Variants in SLC4A10 observed in about 807,000 individuals in gnomAD.
SLC4A10 encodes solute carrier family 4 member 10.
A neutral mutation model predicts 137.7 loss-of-function variants in SLC4A10; 42 were observed. The observed-to-expected ratio is 0.30, with a 90% CI of 0.24 to 0.39. SLC4A10 has a LOEUF of 0.39. SLC4A10 is among the 10% of genes least tolerant of loss of function. SLC4A10 has a pLI of 1.00. For missense variants in SLC4A10, 925 were observed against 1,355.0 expected (o/e 0.68, Z 4.98); for synonymous variants, 474 against 464.1 (o/e 1.02, Z -0.27).
At chr2:161,685,008 G>T (rs2041234676) in intron 1 of SLC4A10, among the ~76,000 whole-genome samples, 1 of 152,064 alleles carries the variant, frequency 6.6e-6, no homozygotes, top group African/African-American at 2.4e-5. Flanking sequence ...TTGCAATATG[G>T]ACCCCATAGA....
chr2:161,683,238 T>C (rs1036092254), intron 1 of SLC4A10, among the ~76,000 whole-genome samples: 2 of 152,210 alleles, frequency 1.3e-5, no homozygotes, highest in Non-Finnish European at 2.9e-5. Context: ...CTATTTCTCA[T>C]ATTAGAACAT....
chr2:161,754,386 C>A (rs2049350601), intron 1 of SLC4A10, among the ~76,000 whole-genome samples: 1 of 152,036 alleles, frequency 6.6e-6, no homozygotes, highest in Non-Finnish European at 1.5e-5. Flanking sequence ...AATTAGGAAC[C>A]ATGAACAACA....
chr2:161,860,103 G>T (rs1354917482), intron 5 of SLC4A10, among the ~76,000 whole-genome samples: 1 of 152,154 alleles, frequency 6.6e-6, no homozygotes, highest in Non-Finnish European at 1.5e-5. Context: ...GTACTTAAAT[G>T]TCACCCTAGT....
chr2:161,883,152 G>A lies in SLC4A10; in HGVS notation c.1194+708G>A, dbSNP rs1435244991. 3.3e-5 allele frequency among the ~76,000 whole-genome samples: 5 copies of A among 152,162 alleles called. No individual in the cohort carries two copies. The East Asian group carries it at 9.7e-4, about 29-fold the overall frequency. On this transcript the variant is annotated intron_variant, in intron 10 of 26. Transcript: ENST00000446997. ...CACATTATGGAAATTTGTTGTTATTGTTAACGGGAAGAGCAGATGCAGTAG... is the reference window on the plus strand; with the variant it reads ...CACATTATGGAAATTTGTTGTTATTATTAACGGGAAGAGCAGATGCAGTAG...
chr2:161,909,223 A>G (rs1268295261), intron 15 of SLC4A10, among the ~76,000 whole-genome samples: 2 of 152,040 alleles, frequency 1.3e-5, no homozygotes, highest in Non-Finnish European at 2.9e-5. Context: ...CCTAAAACTT[A>G]AAGTATAATA....
intron 1 of SLC4A10, among the ~76,000 whole-genome samples, chr2:161,681,312 C>T (rs986541940): frequency 2.4e-4 from 37 of 152,250 alleles, no homozygotes; most frequent in African/African-American, 8.4e-4. Context: ...TGGCATTCAT[C>T]CAGCTAGAAT....
intron 1 of SLC4A10, among the ~76,000 whole-genome samples, chr2:161,736,387 A>G (rs1163384396): frequency 6.6e-6 from 1 of 152,164 alleles, no homozygotes; most frequent in Non-Finnish European, 1.5e-5. Flanking sequence ...CAAATGTAAG[A>G]CTTTGTATTA....
At chr2:161,965,817 G>A (rs1410093680) in intron 23 of SLC4A10, among the ~76,000 whole-genome samples, 1 of 151,996 alleles carries the variant, frequency 6.6e-6, no homozygotes, top group Non-Finnish European at 1.5e-5. Flanking sequence ...TTATATGTAA[G>A]CCTGAGTCTA....
At chr2:161,881,279 G>A (rs1243189334) in intron 9 of SLC4A10, among the ~76,000 whole-genome samples, 4 of 151,982 alleles carry the variant, frequency 2.6e-5, no homozygotes, top group African/African-American at 9.7e-5. Flanking sequence ...GATGTACATA[G>A]GTTAGGAAGT....
intron 1 of SLC4A10, among the ~76,000 whole-genome samples, chr2:161,699,490 A>G (rs2042916226): frequency 6.6e-6 from 1 of 152,344 alleles, no homozygotes; most frequent in Non-Finnish European, 1.5e-5. Context: ...TTCATTTTTA[A>G]TGATTCACAG....
At chr2:161,802,222 A>G (rs1207344265) in intron 2 of SLC4A10, among the ~76,000 whole-genome samples, 1 of 152,108 alleles carries the variant, frequency 6.6e-6, no homozygotes, top group African/African-American at 2.4e-5. Context: ...AATTATTTTT[A>G]GGATTATAAA....
intron 1 of SLC4A10, among the ~76,000 whole-genome samples, chr2:161,739,634 C>A (rs979550006): frequency 2.6e-5 from 4 of 152,164 alleles, no homozygotes; most frequent in Non-Finnish European, 5.9e-5. Flanking sequence ...CCCATACTTA[C>A]CGGCATCAAT....
intron 14 of SLC4A10, among the ~76,000 whole-genome samples, chr2:161,905,436 C>T (rs543900663): frequency 4.6e-5 from 7 of 152,212 alleles, no homozygotes; most frequent in Admixed American, 2.6e-4. Context: ...CTGCCACTCA[C>T]CTCCTGCTGT....
At chr2:161,792,697 T>C (rs139924648) in intron 2 of SLC4A10, among the ~76,000 whole-genome samples, 26 of 152,134 alleles carry the variant, frequency 1.7e-4, no homozygotes, top group Non-Finnish European at 3.4e-4. Flanking sequence ...AATTAGGACA[T>C]GTCTCAAGAA....
chr2:161,660,573 T>G (rs1239740804), intron 1 of SLC4A10, among the ~76,000 whole-genome samples: 1 of 121,406 alleles, frequency 8.2e-6, no homozygotes, highest in South Asian at 2.5e-4. Flanking sequence ...TCTTTCTTTC[T>G]TTCTTTCTTT....
At chr2:161,969,652 G>A (rs1210699365) in intron 23 of SLC4A10, among the ~76,000 whole-genome samples, 2 of 152,274 alleles carry the variant, frequency 1.3e-5, no homozygotes, top group Admixed American at 1.3e-4. Flanking sequence ...AAGTGATCAT[G>A]ATAGTGATAC....
At chr2:161,676,306 T>C (rs1187641310) in intron 1 of SLC4A10, among the ~76,000 whole-genome samples, 1 of 152,188 alleles carries the variant, frequency 6.6e-6, no homozygotes, top group Non-Finnish European at 1.5e-5. Flanking sequence ...ATATCCCTTC[T>C]GAAAAGACTG....
chr2:161,743,568 TTTTG>T lies in SLC4A10; in HGVS notation c.49-27385_49-27382del, dbSNP rs557388911. ...CAGGTAATGTGATTCCTCCAGTTTTTTTTGTTTGTTTGTTTGTTTGTTTTTGCTG... is the reference window on the plus strand; with the variant it reads ...CAGGTAATGTGATTCCTCCAGTTTTTTTTGTTTGTTTGTTTGTTTTTGCTG... On this transcript the variant is annotated intron_variant, in intron 1 of 26. Coordinates refer to ENST00000446997, the MANE Select transcript of SLC4A10 (RefSeq NM_001178015.2). Among the ~76,000 whole-genome samples, 161 of 152,122 alleles carry T rather than the reference TTTTG, an allele frequency of 1.1e-3. 3 individuals are homozygous for T. The South Asian group carries it at 0.031, about 29-fold the overall frequency.
At chr2:161,850,140 A>G (rs977096763) in intron 4 of SLC4A10, among the ~76,000 whole-genome samples, 5 of 152,114 alleles carry the variant, frequency 3.3e-5, no homozygotes, top group Non-Finnish European at 7.3e-5. Context: ...CTCTAATTCC[A>G]GCACTTTGGG....
Sources: gnomAD v4.1 joint callset for allele counts (sites outside exome capture counted in the v4.1 genomes callset) on GRCh38, gnomAD v4.1.1 for gene constraint, MANE v1.5 for transcripts, NCBI Gene and HGNC (gene_info 2026-07-23, HGNC 2026-07-21) for gene names.